Variants in KANK1 observed in about 807,000 individuals in gnomAD.
The protein encoded by KANK1 is KN motif and ankyrin repeat domains 1.
In KANK1, 109 loss-of-function variants were observed where a neutral mutation model predicts 106.2. The ratio of observed to expected loss-of-function variants is 1.03; its 90% confidence interval spans 0.88 to 1.20. The LOEUF is 1.20. KANK1 is among the 50% of genes most tolerant of loss of function. The pLI, the probability that KANK1 is intolerant of heterozygous loss-of-function variation, is 0.00. For synonymous variants in KANK1, 873 were observed against 652.2 expected (o/e 1.34, Z -5.16); for missense variants, 2,399 against 1,710.7 (o/e 1.40, Z -7.10).
chr9:584,089 A>G (rs1822845037), intron 1 of KANK1, among the ~76,000 whole-genome samples: 1 of 152,150 alleles, frequency 6.6e-6, no homozygotes. Context: ...AGTGAAGGAT[A>G]TCTTTCTCAG....
chr9:725,672 C>T (rs191521561), intron 3 of KANK1, among the ~76,000 whole-genome samples: 16 of 152,158 alleles, frequency 1.1e-4, no homozygotes, highest in South Asian at 2.1e-4. Context: ...GGCCCCCATC[C>T]CAGAACTGCA....
At chr9:477,480 A>G (rs1020862835) in intron 3 of KANK1, among the ~76,000 whole-genome samples, 13 of 152,224 alleles carry the variant, frequency 8.5e-5, no homozygotes, top group African/African-American at 3.1e-4. Context: ...TGGTAGAGAG[A>G]AATGACCTTT....
chr9:566,638 G>T (rs1210742445), intron 1 of KANK1, among the ~76,000 whole-genome samples: 5 of 152,092 alleles, frequency 3.3e-5, no homozygotes, highest in African/African-American at 1.2e-4. Context: ...CCACATACTT[G>T]TTGGCCGCAT....
chr9:498,278 AATGGGCTG>A (rs2058488873), intron 3 of KANK1, among the ~76,000 whole-genome samples: 1 of 152,202 alleles, frequency 6.6e-6, no homozygotes, highest in African/African-American at 2.4e-5. Flanking sequence ...CTACTACAGA[AATGGGCTG>A]ATGGGGTGAA....
chr9:666,130 C>T (rs1216092848), intron 1 of KANK1, among the ~76,000 whole-genome samples: 2 of 151,930 alleles, frequency 1.3e-5, no homozygotes. Flanking sequence ...GCAGTGCTCA[C>T]TGCATTGGTG....
chr9:524,514 G>A (rs1018281262), intron 1 of KANK1, among the ~76,000 whole-genome samples: 1 of 151,410 alleles, frequency 6.6e-6, no homozygotes, highest in Non-Finnish European at 1.5e-5. Flanking sequence ...CTTATTGTGG[G>A]GTTTTTTGTT....
intron 3 of KANK1, among the ~76,000 whole-genome samples, chr9:480,087 G>T (rs956418418): frequency 6.6e-6 from 1 of 152,148 alleles, no homozygotes; most frequent in African/African-American, 2.4e-5. Context: ...CAAAAAACAC[G>T]TTCCATCTGG....
In KANK1 at chr9:681,050, CA is replaced by C. The variant is rs990007917; in HGVS notation, c.37+4050del. On this transcript the variant is annotated intron_variant, in intron 2 of 11. Transcript: ENST00000382297. ...GGAACATAGCCAGACTCCATCTCTACAAAAAAAAATTTTTTTAAATTAGCCA... is the reference window on the plus strand; with the variant it reads ...GGAACATAGCCAGACTCCATCTCTACAAAAAAAATTTTTTTAAATTAGCCA... 3.8e-3 allele frequency: 571 copies of C among 151,676 alleles called. 9 individuals carry two copies. The highest frequency in any genetic ancestry group is 0.013 in the African/African-American group (556 of 41,290). The allele number at this position is 151,676 out of a possible 1,614,324, so 9.4% of individuals were successfully genotyped here.
intron 1 of KANK1, among the ~76,000 whole-genome samples, chr9:596,608 C>T (rs1322639031): frequency 6.6e-6 from 1 of 151,640 alleles, no homozygotes; most frequent in Admixed American, 6.6e-5. Flanking sequence ...AGAAGATGCC[C>T]GTTTACACTG....
intron 1 of KANK1, among the ~76,000 whole-genome samples, chr9:643,976 T>C (rs997148133): frequency 6.6e-6 from 1 of 150,986 alleles, no homozygotes; most frequent in Admixed American, 6.6e-5. Context: ...GTGCTGGGAT[T>C]ACAGGCGTGA....
At chr9:615,135 G>A (rs1317690024) in intron 1 of KANK1, among the ~76,000 whole-genome samples, 1 of 152,062 alleles carries the variant, frequency 6.6e-6, no homozygotes, top group Non-Finnish European at 1.5e-5. Context: ...GGGTCTCCCT[G>A]TGTTGCCCAG....
intron 1 of KANK1, among the ~76,000 whole-genome samples, chr9:537,699 C>T (rs1441941546): frequency 6.6e-6 from 1 of 152,098 alleles, no homozygotes; most frequent in African/African-American, 2.4e-5. Context: ...ATTTTTGCCC[C>T]CCAGGGGCAT....
At chr9:513,424 T>C (rs1010928567) in intron 1 of KANK1, among the ~76,000 whole-genome samples, 3 of 151,732 alleles carry the variant, frequency 2.0e-5, no homozygotes, top group South Asian at 4.1e-4. Flanking sequence ...GTGTTTTGGG[T>C]TTTTTCTTTT....
intron 1 of KANK1, among the ~76,000 whole-genome samples, chr9:530,107 G>C (rs778674276): frequency 3.9e-5 from 6 of 152,048 alleles, no homozygotes; most frequent in Non-Finnish European, 7.4e-5. Context: ...TTTGCCATTG[G>C]GCTGTTACCA....
chr9:566,562 G>C (rs529000928), intron 1 of KANK1, among the ~76,000 whole-genome samples: 1 of 152,196 alleles, frequency 6.6e-6, no homozygotes, highest in African/African-American at 2.4e-5. Context: ...TGACAGGTGC[G>C]AGATGGTATC....
chr9:745,085 G>A lies in KANK1; in HGVS notation c.3997-88G>A, dbSNP rs1324587860. 9 of 1,554,592 alleles carry A rather than the reference G, an allele frequency of 5.8e-6. No individual in the cohort carries two copies. In the East Asian group the frequency reaches 1.4e-4, roughly 23 times the overall value. ...TCGGGCTCACAGCTGCTTGTTGCCT[G>A]TGGTGGGCCAAGATCCTATGTCACA... is the stretch of plus-strand genomic sequence containing the variant. On this transcript the variant is annotated intron_variant, in intron 11 of 11. Coordinates refer to ENST00000382297, the MANE Select transcript of KANK1 (RefSeq NM_015158.5).
chr9:620,427 C>T (rs1832875727), intron 1 of KANK1, among the ~76,000 whole-genome samples: 1 of 151,898 alleles, frequency 6.6e-6, no homozygotes, highest in Non-Finnish European at 1.5e-5. Context: ...GGAACGGAGT[C>T]TCGCACTGTC....
intron 1 of KANK1, among the ~76,000 whole-genome samples, chr9:535,681 C>A (rs376081792): frequency 6.6e-6 from 1 of 152,210 alleles, no homozygotes; most frequent in Non-Finnish European, 1.5e-5. Context: ...TGGAGCTCCA[C>A]TTGCTTGGTG....
intron 2 of KANK1, among the ~76,000 whole-genome samples, chr9:697,072 C>T (rs535729597): frequency 7.5e-6 from 1 of 133,560 alleles, no homozygotes; most frequent in Admixed American, 8.1e-5. Flanking sequence ...CGTATTTGTT[C>T]CATCTGTGTG....
Sources: allele counts gnomAD v4.1 joint callset (sites outside exome capture counted in the v4.1 genomes callset), GRCh38; gene constraint gnomAD v4.1.1; transcripts MANE v1.5; gene names NCBI Gene and HGNC (gene_info 2026-07-23, HGNC 2026-07-21).